The following ZNF559 variants were observed in gnomAD, a reference collection of about 807,000 sequenced individuals.
ZNF559 encodes zinc finger protein 559.
A neutral mutation model predicts 14.2 loss-of-function variants in ZNF559; 17 were observed. The observed-to-expected ratio is 1.20, with a 90% confidence interval of 0.82 to 1.80. The LOEUF (loss-of-function observed/expected upper bound fraction) is 1.80. Ranked by LOEUF, ZNF559 falls within the 40% of genes most tolerant of loss-of-function variation. The pLI, the probability that ZNF559 is intolerant of heterozygous loss-of-function variation, is 0.00. For missense variants in ZNF559, 740 were observed against 629.7 expected (o/e 1.18, Z -1.88); for synonymous variants, 244 against 212.4 (o/e 1.15, Z -1.29).
intron 1 of ZNF559, chr19:9,324,431 G>A (rs1202983677): frequency 5.6e-6 from 8 of 1,440,296 alleles, no homozygotes; most frequent in African/African-American, 2.9e-5. Context: ...CGAGGCGGCT[G>A]CGCTGGGGCC....
At chr19:9,339,147 G>A (rs1470556313) in intron 4 of ZNF559, 46 bp from the exon 5 acceptor site, 1 of 1,610,836 alleles carries the variant, frequency 6.2e-7, no homozygotes, top group Non-Finnish European at 8.5e-7. Context: ...AGTCAACATA[G>A]TGGAGAACGT....
rs1258462650 is a variant in ZNF559 at position 9,324,202 on chromosome 19, A to G, written c.-232A>G. 3 of 1,533,918 alleles carry G rather than the reference A, an allele frequency of 2.0e-6. No homozygotes were observed. The highest frequency in any genetic ancestry group is 2.0e-5 in the Admixed American group (1 of 50,972). ...GCATGCGCATAACGGCCGCCATCTT[A>G]ACAGCGCGTTCCCGTTGGCGTCTGA... On this transcript the variant is annotated 5_prime_UTR_variant, in exon 1 of 7. Coordinates refer to ENST00000603380, the MANE Select transcript of ZNF559 (RefSeq NM_032497.3).
intron 2 of ZNF559, among the ~76,000 whole-genome samples, chr19:9,326,677 T>C (rs2066624729): frequency 6.6e-6 from 1 of 152,158 alleles, no homozygotes; most frequent in Non-Finnish European, 1.5e-5. Flanking sequence ...ATGCAGCATA[T>C]CCAGTTATCA....
chr19:9,324,532 C>A, intron 1 of ZNF559, 163 bp from the exon 2 acceptor site: 1 of 1,246,724 alleles, frequency 8.0e-7, no homozygotes. Flanking sequence ...GCGGCTCACG[C>A]CTGTCATTCC....
chr19:9,340,536 G>T (rs927171391), intron 5 of ZNF559, among the ~76,000 whole-genome samples: 6 of 117,880 alleles, frequency 5.1e-5, no homozygotes, highest in African/African-American at 2.0e-4. Context: ...AATGTTTAGA[G>T]AACCATTTCT....
chr19:9,339,110 A>T, intron 4 of ZNF559, 83 bp from the exon 5 acceptor site: 1 of 1,584,880 alleles, frequency 6.3e-7, no homozygotes, highest in Non-Finnish European at 8.6e-7. Context: ...TTGTCAAGGC[A>T]TGCCAAGACA....
rs566350366 is a variant in ZNF559 at position 9,343,314 on chromosome 19, C to T, written c.*246C>T. 114 of 1,273,104 alleles carry T rather than the reference C, an allele frequency of 9.0e-5. No homozygotes were observed. The highest frequency in any genetic ancestry group is 6.2e-4 in the South Asian group (30 of 48,514). The allele number at this position is 1,273,104 out of a possible 1,614,324, so 78.9% of individuals were successfully genotyped here. On this transcript the variant is annotated 3_prime_UTR_variant, in exon 7 of 7. Transcript: ENST00000603380. ...TGTGCATCCTAGGAAACAAACTGAA[C>T]GTAGGAAACCTGTCGATGCTTACAT...
rs774208984 is a variant in ZNF559, at chr19:9,343,657, C to T, written c.*589C>T. ...CATGAGTGAAAGAGATGTTGGAAAGCCCTTGAACTTGGTCGTTAGGAAACA... is the reference window on the plus strand; with the variant it reads ...CATGAGTGAAAGAGATGTTGGAAAGTCCTTGAACTTGGTCGTTAGGAAACA... On this transcript the variant is annotated 3_prime_UTR_variant, in exon 7 of 7. Transcript: ENST00000603380. 4.0e-5 allele frequency: 40 copies of T among 987,808 alleles called. No individual in the cohort carries two copies. The highest frequency in any genetic ancestry group is 5.9e-5 in the Admixed American group (1 of 16,818). 61.2% of individuals were successfully genotyped at this position (987,808 alleles called of 1,614,324 possible).
rs151063686 is a variant in ZNF559 at position 9,335,549 on chromosome 19, T to C, written c.-119-2247T>C. 2.1e-4 allele frequency among the ~76,000 whole-genome samples: 32 copies of C among 152,310 alleles called. 1 individual carries two copies. The East Asian group carries it at 5.8e-3, about 28-fold the overall frequency. On this transcript the variant is annotated intron_variant, in intron 2 of 6. Transcript: ENST00000603380. ...TTCATCCACCCCATACATTTTCTTT[T>C]TTCTTCTTTTTTTGTTGAGACAAGG... is the stretch of plus-strand genomic sequence containing the variant.
intron 5 of ZNF559, among the ~76,000 whole-genome samples, chr19:9,340,037 CG>C (rs2067472244): frequency 6.7e-6 from 1 of 149,908 alleles, no homozygotes; most frequent in Admixed American, 6.7e-5. Context: ...CCGCCCACCT[CG>C]GCCTCCCAAA....
chr19:9,324,855 A>G (rs2066490042), intron 2 of ZNF559, 75 bp downstream of exon 2: 1 of 1,296,396 alleles, frequency 7.7e-7, no homozygotes, highest in Admixed American at 2.0e-5. Flanking sequence ...GTGGAAAGAA[A>G]CCTTTTCAGG....
At chr19:9,328,513 C>G (rs1187290336) in intron 2 of ZNF559, among the ~76,000 whole-genome samples, 1 of 151,906 alleles carries the variant, frequency 6.6e-6, no homozygotes, top group African/African-American at 2.4e-5. Flanking sequence ...GCCACCACAC[C>G]TCACTAATTT....
At position 9,341,849 on chromosome 19, in the gene ZNF559, TCTTTA is replaced by T. The variant is rs1396549297; in HGVS notation, c.405_409del (p.Leu136GlnfsTer4). The stretch of plus-strand genomic sequence containing the variant: ...GAAAAAGCCTTCAGAAAACCCTCTA[TCTTTA>T]CTTTACACAAGAAAACTGATATCGG... On this transcript the variant is annotated frameshift_variant, in exon 7 of 7. Coordinates refer to ENST00000603380, the MANE Select transcript of ZNF559 (RefSeq NM_032497.3). LOFTEE classifies it low-confidence loss of function (END_TRUNC). 14 of 1,610,338 alleles carry T rather than the reference TCTTTA, an allele frequency of 8.7e-6. No homozygotes were observed. Among genetic ancestry groups the T allele is most frequent in the Middle Eastern group, 1.7e-4 (1 of 6,046 alleles).
intron 2 of ZNF559, among the ~76,000 whole-genome samples, chr19:9,334,182 T>C (rs1427693685): frequency 1.3e-5 from 2 of 152,238 alleles, no homozygotes; most frequent in South Asian, 2.1e-4. Context: ...TCTACAAGAA[T>C]ACATGAATAA....
chr19:9,341,967 T>A lies in ZNF559; in HGVS notation c.516T>A (p.His172Gln). Residue 172 changes from histidine to glutamine, a missense_variant, in exon 7 of 7, where the codon CAT becomes CAA. Coordinates refer to ENST00000603380, the MANE Select transcript of ZNF559 (RefSeq NM_032497.3). ...GCAAGAAAACTAGCCAAAATCTACA[T>A]CTTGTTTGCAAGAAAACTCACACTC... ...LVCKKTSQNL[H>Q]LVCKKTHTQE... The A allele has an allele frequency of 6.2e-7, 1 of 1,613,720 alleles. No individual in the cohort carries two copies. The highest frequency in any genetic ancestry group is 8.5e-7 in the Non-Finnish European group (1 of 1,179,908).
In ZNF559 at chr19:9,342,179, G is replaced by C. The variant is rs2067614177; in HGVS notation, c.728G>C (p.Cys243Ser). The C allele has an allele frequency of 6.2e-7, 1 of 1,608,508 alleles. No homozygotes were observed. Among genetic ancestry groups the C allele is most frequent in the Non-Finnish European group, 8.5e-7 (1 of 1,178,314 alleles). ...QTQDGEKFYE[C>S]KACGKPFTES... is the part of the protein sequence containing the mutation. ...CAAGATGGAGAAAAATTCTATGAAT[G>C]TAAAGCATGTGGGAAACCCTTCACT... Residue 243 changes from cysteine (C) to serine (S), a missense_variant, in exon 7 of 7, where the codon TGT (cysteine) becomes TCT (serine). Transcript: ENST00000603380.
In ZNF559 at chr19:9,342,403, GT is replaced by G. The variant is rs751487755; in HGVS notation, c.954del (p.His319ThrfsTer23). ...CFSKLNIHIR[V>X]HTGEKPYECN... ...CTCAAAACTCAACATTCACATAAGG[GT>G]TCACACTGGAGAAAAACCGTATGAG... is the stretch of plus-strand genomic sequence containing the variant. On this transcript the variant is annotated frameshift_variant, in exon 7 of 7. Coordinates refer to ENST00000603380, the MANE Select transcript of ZNF559 (RefSeq NM_032497.3). LOFTEE classifies it low-confidence loss of function (END_TRUNC). 11 of 1,613,910 alleles carry G rather than the reference GT, an allele frequency of 6.8e-6. No individual in the cohort carries two copies. In the South Asian group the frequency reaches 1.2e-4, roughly 18 times the overall value.
At chr19:9,329,471 T>C (rs1327457829) in intron 2 of ZNF559, among the ~76,000 whole-genome samples, 2 of 152,200 alleles carry the variant, frequency 1.3e-5, no homozygotes, top group Non-Finnish European at 2.9e-5. Context: ...GATAAATTGG[T>C]CCATTTATTA....
At chr19:9,336,535 C>T (rs2067248252) in intron 2 of ZNF559, among the ~76,000 whole-genome samples, 1 of 151,602 alleles carries the variant, frequency 6.6e-6, no homozygotes, top group Admixed American at 6.6e-5. Context: ...ACCTTGCTTG[C>T]AGTGAGCCAA....
Sources: allele counts gnomAD v4.1 joint callset (sites outside exome capture counted in the v4.1 genomes callset), GRCh38; gene constraint gnomAD v4.1.1; transcripts MANE v1.5; gene names NCBI Gene and HGNC (gene_info 2026-07-23, HGNC 2026-07-21).